The following CACNA1H variants were observed in gnomAD, a reference collection of about 807,000 sequenced individuals.
The protein encoded by CACNA1H is calcium voltage-gated channel subunit alpha1 H, also known as voltage-dependent T-type calcium channel subunit alpha-1H.
In CACNA1H, 149 loss-of-function variants were observed where a neutral mutation model predicts 192.5. The ratio of observed to expected loss-of-function variants is 0.77; its 90% confidence interval spans 0.68 to 0.89. CACNA1H has a LOEUF of 0.89. Ranked by LOEUF, CACNA1H falls within the 40% of genes least tolerant of loss-of-function variation. The pLI is 0.00. For synonymous variants in CACNA1H, 2,202 were observed against 1,475.2 expected (o/e 1.49, Z -11.29); for missense variants, 4,257 against 3,423.5 (o/e 1.24, Z -6.08).
chr16:1,219,019 C>T lies in CACNA1H; in HGVS notation c.5937C>T (p.Leu1979=). The T allele has an allele frequency of 3.2e-6, 5 of 1,550,266 alleles. No homozygotes were observed. The highest frequency in any genetic ancestry group is 4.4e-6 in the Non-Finnish European group (5 of 1,146,868). The change falls in exon 34 of 35, where the codon CTC becomes CTT. Residue 1979 remains leucine (L), a synonymous_variant. Coordinates refer to ENST00000348261, the MANE Select transcript of CACNA1H (RefSeq NM_021098.3). ...CGCCCGCAGAGTCCTGTGCCTCCCT[C>T]CAGATCCCATTGGCTGTGTCGTCCC... ...HSPPAESCAS[L]QIPLAVSSPA... is the part of the protein sequence containing the mutation.
intron 2 of CACNA1H, 40 bp downstream of exon 2, chr16:1,154,076 G>T: frequency 2.0e-6 from 1 of 511,692 alleles, no homozygotes; most frequent in Non-Finnish European, 2.8e-6. Flanking sequence ...GGCGGGGGGC[G>T]TGGGGAGGGT....
At chr16:1,187,827 T>C (rs1258066965) in intron 2 of CACNA1H, among the ~76,000 whole-genome samples, 2 of 152,204 alleles carry the variant, frequency 1.3e-5, no homozygotes, top group Admixed American at 6.5e-5. Flanking sequence ...GTGGCTTTGA[T>C]GCCTTAACTA....
chr16:1,209,078 C>CCTGGAGCAGCCGGCGCTCCAG lies in CACNA1H; in HGVS notation c.3422_3442dup (p.Arg1141_Ser1147dup), dbSNP rs746597383. 1.2e-4 allele frequency: 193 copies of CCTGGAGCAGCCGGCGCTCCAG among 1,545,256 alleles called. No homozygotes were observed. Among genetic ancestry groups the CCTGGAGCAGCCGGCGCTCCAG allele is most frequent in the East Asian group, 7.4e-4 (31 of 41,710 alleles). On this transcript the variant is annotated inframe_insertion, in exon 17 of 35. Transcript: ENST00000348261. ...TGTGCCCCCTGGGGCCCCAGTGGCGCCTGGAGCAGCCGGCGCTCCAGCTGG... is the reference window on the plus strand; with the variant it reads ...TGTGCCCCCTGGGGCCCCAGTGGCGCCTGGAGCAGCCGGCGCTCCAGCTGGAGCAGCCGGCGCTCCAGCTGG...
At chr16:1,171,776 C>T (rs1392643247) in intron 2 of CACNA1H, among the ~76,000 whole-genome samples, 1 of 152,198 alleles carries the variant, frequency 6.6e-6, no homozygotes, top group Non-Finnish European at 1.5e-5. Context: ...AACTTTGCCA[C>T]CCTCTCAGGC....
Position 1,196,769 on chromosome 16 carries a change from T to C in CACNA1H, c.643+746T>C, listed in dbSNP as rs114492057. 1.8e-3 allele frequency among the ~76,000 whole-genome samples: 267 copies of C among 152,158 alleles called. 3 individuals are homozygous for C. Among genetic ancestry groups the C allele is most frequent in the African/African-American group, 6.1e-3 (254 of 41,518 alleles). On this transcript the variant is annotated intron_variant, in intron 5 of 34. Coordinates refer to ENST00000348261, the MANE Select transcript of CACNA1H (RefSeq NM_021098.3). The stretch of plus-strand genomic sequence containing the variant: ...TTCCAGGAAGTCATATGCCTGCTTG[T>C]TTGGGAAACATCCTGTCAAATCCGG...
At chr16:1,207,674 C>A in intron 14 of CACNA1H, 96 bp from the exon 15 acceptor site, 1 of 1,168,204 alleles carries the variant, frequency 8.6e-7, no homozygotes, top group Admixed American at 2.0e-5. Context: ...CTTCTGTCCA[C>A]ACCCCACCTC....
intron 2 of CACNA1H, among the ~76,000 whole-genome samples, chr16:1,176,959 T>C (rs1024852178): frequency 1.5e-4 from 23 of 151,974 alleles, no homozygotes; most frequent in Non-Finnish European, 2.8e-4. Context: ...TTGGCTTAGG[T>C]GGGGGCAGAG....
Position 1,208,047 on chromosome 16 carries a change from C to G in CACNA1H, c.3189C>G (p.Asn1063Lys). 11 of 1,607,292 alleles carry G rather than the reference C, an allele frequency of 6.8e-6. No homozygotes were observed. Among genetic ancestry groups the G allele is most frequent in the East Asian group, 2.2e-5 (1 of 44,608 alleles). Residue 1063 changes from asparagine to lysine, a missense_variant, in exon 16 of 35, where the codon AAC (asparagine) becomes AAG (lysine). Physicochemically the swap from Asn to Lys is moderately conservative, Grantham distance 94. Coordinates refer to ENST00000348261, the MANE Select transcript of CACNA1H (RefSeq NM_021098.3). ...TGTGTTCCCTGGCCGTGACCCCCAA[C>G]GGGCACCTGGAGGGACGAGGCAGCC... ...LKMCSLAVTP[N>K]GHLEGRGSLS... is the part of the protein sequence containing the mutation.
rs765687202 is a variant in CACNA1H at position 1,218,386 on chromosome 16, G to A, written c.5622G>A (p.Ala1874=). The A allele has an allele frequency of 4.7e-5, 73 of 1,560,116 alleles. No homozygotes were observed. The highest frequency in any genetic ancestry group is 1.3e-4 in the Admixed American group (7 of 51,964). ...GCAACAAGGAGGCACGGGAGGATGC[G>A]GAGCTGGACGCCGAGATCGAGCTGG... ...EESNKEARED[A]ELDAEIELEM... is the part of the protein sequence containing the mutation. The change falls in exon 33 of 35, where the codon GCG becomes GCA. Residue 1874 remains alanine, a synonymous_variant. Transcript: ENST00000348261.
At chr16:1,163,994 C>T (rs1397407226) in intron 2 of CACNA1H, among the ~76,000 whole-genome samples, 1 of 152,174 alleles carries the variant, frequency 6.6e-6, no homozygotes, top group Non-Finnish European at 1.5e-5. Context: ...CGCCCCTGCC[C>T]CAGCCGAGGA....
intron 2 of CACNA1H, among the ~76,000 whole-genome samples, chr16:1,188,052 A>G (rs1440718326): frequency 2.0e-5 from 3 of 152,210 alleles, no homozygotes; most frequent in Non-Finnish European, 1.5e-5. Flanking sequence ...GAAAGATGAA[A>G]TAGCCCTTTT....
intron 10 of CACNA1H, among the ~76,000 whole-genome samples, chr16:1,204,684 C>T (rs377040494): frequency 1.3e-5 from 2 of 151,970 alleles, no homozygotes; most frequent in South Asian, 2.1e-4. Flanking sequence ...GCTGATTAGG[C>T]TCCTTTTGAG....
chr16:1,161,893 C>T (rs1201428381), intron 2 of CACNA1H, among the ~76,000 whole-genome samples: 3 of 152,092 alleles, frequency 2.0e-5, no homozygotes, highest in Non-Finnish European at 2.9e-5. Context: ...CCTGGTCGGA[C>T]GCGTTAATGG....
Position 1,153,906 on chromosome 16 carries a change from G to A in CACNA1H, c.169G>A (p.Glu57Lys). The change falls in exon 2 of 35, where the codon GAG becomes AAG. Residue 57 changes from glutamate (E) to lysine (K), a missense_variant. By Grantham distance (56) the Glu-to-Lys change is moderately conservative. Coordinates refer to ENST00000348261, the MANE Select transcript of CACNA1H (RefSeq NM_021098.3). ...GVSPSESPAAERGAELGADEE... is the reference protein window; with the variant it reads ...GVSPSESPAAKRGAELGADEE... ...GTCACCCTCCGAGAGCCCGGCGGCC[G>A]AGCGCGGCGCGGAGCTGGGTGCCGA... The A allele has an allele frequency of 2.8e-6, 4 of 1,453,042 alleles. No homozygotes were observed. Among genetic ancestry groups the A allele is most frequent in the Non-Finnish European group, 3.6e-6 (4 of 1,103,598 alleles). The allele number at this position is 1,453,042 out of a possible 1,614,324, so 90.0% of individuals were successfully genotyped here.
Position 1,219,073 on chromosome 16 carries a change from C to T in CACNA1H, c.5991C>T (p.Ala1997=), listed in dbSNP as rs1484105866. The T allele has an allele frequency of 4.5e-6, 7 of 1,549,644 alleles. No individual in the cohort carries two copies. Among genetic ancestry groups the T allele is most frequent in the Admixed American group, 2.0e-5 (1 of 50,966 alleles). Residue 1997 remains alanine (A), a synonymous_variant, in exon 34 of 35, where the codon GCC becomes GCT. Transcript: ENST00000348261. Reference sequence around the variant, plus strand: ...CCAGGAGCGGCGAGCCCCTCCACGCCCTGTCCCCTCGGGGCACAGCCCGCT... The same window carrying T: ...CCAGGAGCGGCGAGCCCCTCCACGCTCTGTCCCCTCGGGGCACAGCCCGCT... ...SPARSGEPLH[A]LSPRGTARSP...
At chr16:1,203,883 G>A in intron 9 of CACNA1H, 127 bp from the exon 10 acceptor site, 2 of 659,608 alleles carry the variant, frequency 3.0e-6, no homozygotes, top group South Asian at 2.0e-5. Flanking sequence ...GGTTCTGGAG[G>A]TTGGACTCTG....
rs536423150 is a variant in CACNA1H, at chr16:1,179,728, C to T, written c.300-15244C>T. On this transcript the variant is annotated intron_variant, in intron 2 of 34. Transcript: ENST00000348261. ...ACAGGTGTGAGCCACCACGCCCGGC[C>T]TCTTTTTTTTTTTTTTTTTTTTTTG... Among the ~76,000 whole-genome samples, 14 of 141,050 alleles carry T rather than the reference C, an allele frequency of 9.9e-5. No homozygotes were observed. In the South Asian group the frequency reaches 2.9e-3, roughly 29 times the overall value. The allele number at this position is 141,050 out of a possible 152,430, so 92.5% of individuals were successfully genotyped here.
intron 25 of CACNA1H, 92 bp downstream of exon 25, chr16:1,212,230 C>A: frequency 6.8e-7 from 1 of 1,472,070 alleles, no homozygotes. Context: ...CCGGCCTCCC[C>A]GAATGGCTCT....
At position 1,200,747 on chromosome 16, in the gene CACNA1H, T is replaced by C. The variant is rs1477087572; in HGVS notation, c.1151T>C (p.Met384Thr). The change falls in exon 8 of 35, where the codon ATG becomes ACG. Residue 384 changes from methionine to threonine, a missense_variant. By Grantham distance (81) the Met-to-Thr change is moderately conservative (BLOSUM62 -1). Coordinates refer to ENST00000348261, the MANE Select transcript of CACNA1H (RefSeq NM_021098.3). ...VITLEGWVDI[M>T]YYVMDAHSFY... ...ACGCTGGAAGGCTGGGTGGACATCATGTACTACGTCATGGACGCCCACTCA... is the reference window on the plus strand; with the variant it reads ...ACGCTGGAAGGCTGGGTGGACATCACGTACTACGTCATGGACGCCCACTCA... 5.1e-6 allele frequency: 8 copies of C among 1,560,172 alleles called. No individual in the cohort carries two copies. The highest frequency in any genetic ancestry group is 4.7e-5 in the South Asian group (4 of 85,142).
Sources: gnomAD v4.1 joint callset for allele counts (sites outside exome capture counted in the v4.1 genomes callset) on GRCh38, gnomAD v4.1.1 for gene constraint, MANE v1.5 for transcripts, NCBI Gene and HGNC (gene_info 2026-07-23, HGNC 2026-07-21) for gene names.